Variants in MED27 observed in about 807,000 individuals in gnomAD.
MED27 encodes the protein mediator complex subunit 27.
MED27 carries 30 observed loss-of-function variants against 38.2 expected under a neutral mutation model. The observed-to-expected ratio is 0.79, with a 90% CI of 0.59 to 1.07. MED27 has a LOEUF of 1.07. MED27 is among the 50% of genes least tolerant of loss of function. The pLI is 0.00. For missense variants in MED27, 289 were observed against 397.5 expected (o/e 0.73, Z 2.32); for synonymous variants, 122 against 153.5 (o/e 0.79, Z 1.52).
intron 6 of MED27, among the ~76,000 whole-genome samples, chr9:131,882,539 C>T (rs889858548): frequency 6.6e-6 from 1 of 152,222 alleles, no homozygotes; most frequent in African/African-American, 2.4e-5. Flanking sequence ...GGGGATAACT[C>T]GGACCAAGCT....
chr9:132,064,542 T>C (rs1233081840), intron 2 of MED27, among the ~76,000 whole-genome samples: 1 of 152,188 alleles, frequency 6.6e-6, no homozygotes, highest in Non-Finnish European at 1.5e-5. Flanking sequence ...ATGTAAGATA[T>C]ATAGTGTTCT....
Position 131,948,428 on chromosome 9 carries a change from A to G in MED27, c.480-8954T>C, listed in dbSNP as rs796731231. Among the ~76,000 whole-genome samples the G allele has an allele frequency of 2.6e-5, 4 of 151,610 alleles. No homozygotes were observed. In the South Asian group the frequency reaches 8.4e-4, roughly 32 times the overall value. ...CTTGAACCCAGGAGGCAGAGGTTGC[A>G]GGGAGCCAAGATTATGCCACTGCAC... is the stretch of plus-strand genomic sequence containing the variant. On this transcript the variant is annotated intron_variant, in intron 3 of 7. Transcript: ENST00000292035.
At chr9:131,869,099 G>A (rs551050535) in intron 6 of MED27, 1 of 985,380 alleles carries the variant, frequency 1.0e-6, no homozygotes, top group Non-Finnish European at 1.2e-6. Context: ...TTTTTCCAGC[G>A]CTGATGCAAT....
rs2131485249 is a variant in MED27, at chr9:131,883,994, T to C, written c.723+64A>G. 1 of 1,428,800 alleles carries C rather than the reference T, an allele frequency of 7.0e-7. No individual in the cohort carries two copies. The highest frequency in any genetic ancestry group is 9.8e-7 in the Non-Finnish European group (1 of 1,023,782). 88.5% of individuals were successfully genotyped at this position (1,428,800 alleles called of 1,614,324 possible). ...AAGCCTCTGATTTGAGACCAATGTT[T>C]AAACCTCAAAGCATTCACGTTTTCC... On this transcript the variant is annotated intron_variant, in intron 6 of 7. Coordinates refer to ENST00000292035, the MANE Select transcript of MED27 (RefSeq NM_004269.4). This position sits in a 1 kb window ranked among gnomAD's most constrained non-coding sequence, Gnocchi z 4.2.
At chr9:131,958,563 A>G (rs988768918) in intron 3 of MED27, among the ~76,000 whole-genome samples, 2 of 152,174 alleles carry the variant, frequency 1.3e-5, no homozygotes, top group Non-Finnish European at 2.9e-5. Flanking sequence ...GTGGTTTTTA[A>G]TAAGTCTTGG....
chr9:131,957,202 T>C (rs1216443882), intron 3 of MED27, among the ~76,000 whole-genome samples: 1 of 152,024 alleles, frequency 6.6e-6, no homozygotes, highest in Non-Finnish European at 1.5e-5. Flanking sequence ...CCAAGAAAAG[T>C]AAAATGTTAT....
chr9:131,915,082 G>A (rs1387634421), intron 4 of MED27, among the ~76,000 whole-genome samples: 1 of 152,158 alleles, frequency 6.6e-6, no homozygotes. Context: ...CCAGCAAATA[G>A]AACCATTTAA....
At chr9:132,071,993 G>A (rs564149488) in intron 2 of MED27, among the ~76,000 whole-genome samples, 9 of 151,186 alleles carry the variant, frequency 6.0e-5, no homozygotes, top group East Asian at 4.0e-4. Context: ...AGTAACGCAC[G>A]CCTCATAAAT....
chr9:131,869,364 C>T lies in MED27; in HGVS notation c.724-6224G>A. The T allele has an allele frequency of 3.1e-6, 3 of 980,914 alleles. No individual in the cohort carries two copies. In the African/African-American group the frequency reaches 5.4e-5, roughly 18 times the overall value. The allele number at this position is 980,914 out of a possible 1,614,324, so 60.8% of individuals were successfully genotyped here. A position where few individuals can be genotyped will look rare whatever the true frequency, so the allele number is the denominator to read the frequency against. ...CAAAGTTGTTTTTTTGCTCAGCATC[C>T]AAGACTTGGAAAAAACAGGCCTGGG... On this transcript the variant is annotated intron_variant, in intron 6 of 7. Transcript: ENST00000292035.
intron 6 of MED27, among the ~76,000 whole-genome samples, chr9:131,864,354 A>G (rs533720828): frequency 1.3e-5 from 2 of 152,220 alleles, no homozygotes; most frequent in African/African-American, 4.8e-5. Context: ...GTGATGCCAC[A>G]CACCTATAGT....
chr9:131,941,747 G>A (rs1830789352), intron 3 of MED27, among the ~76,000 whole-genome samples: 1 of 150,418 alleles, frequency 6.6e-6, no homozygotes, highest in Non-Finnish European at 1.5e-5. Flanking sequence ...GTGAGGATAT[G>A]GCACCAAAAA....
At chr9:131,897,818 T>C (rs1829860304) in intron 4 of MED27, among the ~76,000 whole-genome samples, 1 of 152,254 alleles carries the variant, frequency 6.6e-6, no homozygotes, top group Non-Finnish European at 1.5e-5. Flanking sequence ...AGGGGTTTGT[T>C]GGATTTTACT....
intron 2 of MED27, among the ~76,000 whole-genome samples, chr9:132,076,181 C>G (rs1258564290): frequency 6.6e-6 from 1 of 152,134 alleles, no homozygotes; most frequent in Non-Finnish European, 1.5e-5. Context: ...GCCACCCACC[C>G]AAGCACCCTG....
rs557100738 is a variant in MED27, at chr9:131,894,832, G to C, written c.574-840C>G. 7.9e-5 allele frequency among the ~76,000 whole-genome samples: 12 copies of C among 152,202 alleles called. No homozygotes were observed. The East Asian group carries it at 1.4e-3, about 17-fold the overall frequency. On this transcript the variant is annotated intron_variant, in intron 4 of 7. Transcript: ENST00000292035. Reference sequence around the variant, plus strand: ...GGTGTTGGGAGGTGGGGCCTAGTGGGGGGTGTTTGGGTCAAGGAGGCGGAT... The same window carrying C: ...GGTGTTGGGAGGTGGGGCCTAGTGGCGGGTGTTTGGGTCAAGGAGGCGGAT...
In MED27 at chr9:131,917,743, G is replaced by A. The variant is rs7858995; in HGVS notation, c.573+21638C>T. Among the ~76,000 whole-genome samples, 53,705 of 152,048 alleles carry A rather than the reference G, an allele frequency of 0.35. 9,795 individuals are homozygous for A. The highest frequency in any genetic ancestry group is 0.44 in the African/African-American group (18,240 of 41,444). On this transcript the variant is annotated intron_variant, in intron 4 of 7. Transcript: ENST00000292035. The surrounding 1 kb of genome is among the most constrained non-coding windows in gnomAD (Gnocchi z 4.6). Reference sequence around the variant, plus strand: ...TGTTACAAGAATGGAGATAAGTATTGGAACAGAAAAATGTTAAATTGGAGA... The same window carrying A: ...TGTTACAAGAATGGAGATAAGTATTAGAACAGAAAAATGTTAAATTGGAGA...
intron 2 of MED27, among the ~76,000 whole-genome samples, chr9:132,074,688 GCTA>G (rs1203858180): frequency 6.6e-6 from 1 of 152,152 alleles, no homozygotes; most frequent in Non-Finnish European, 1.5e-5. Flanking sequence ...ATTTCTTGAG[GCTA>G]CTTTTTGTGT....
At chr9:132,044,176 T>C (rs1192398704) in intron 2 of MED27, among the ~76,000 whole-genome samples, 3 of 152,004 alleles carry the variant, frequency 2.0e-5, no homozygotes, top group Non-Finnish European at 4.4e-5. Flanking sequence ...ACTCTGAAGT[T>C]TGGGGGCAGA....
chr9:131,898,210 A>G (rs1439866450), intron 4 of MED27, among the ~76,000 whole-genome samples: 1 of 151,714 alleles, frequency 6.6e-6, no homozygotes, highest in African/African-American at 2.4e-5. Context: ...TGAATCCATA[A>G]AGCTCTATGA....
intron 1 of MED27, among the ~76,000 whole-genome samples, chr9:132,079,228 G>A (rs777124102): frequency 5.9e-5 from 9 of 152,154 alleles, no homozygotes; most frequent in Non-Finnish European, 1.2e-4. Context: ...GGGCTAATCA[G>A]ATCGGGTGCA....
Sources: gnomAD v4.1 joint callset for allele counts (sites outside exome capture counted in the v4.1 genomes callset) on GRCh38, gnomAD v4.1.1 for gene constraint, Gnocchi (gnomAD v3.1) non-coding constraint, MANE v1.5 for transcripts, NCBI Gene and HGNC (gene_info 2026-07-23, HGNC 2026-07-21) for gene names.